The following CCDC85A variants were observed in gnomAD, a reference collection of about 807,000 sequenced individuals.
CCDC85A encodes the protein coiled-coil domain-containing protein 85A.
A neutral mutation model predicts 50.2 loss-of-function variants in CCDC85A; 38 were observed. The observed-to-expected ratio is 0.76, with a 90% CI of 0.58 to 0.99. CCDC85A has a LOEUF of 0.99. Ranked by LOEUF, CCDC85A falls within the 50% of genes least tolerant of loss-of-function variation. CCDC85A has a pLI of 0.00. For synonymous variants in CCDC85A, 366 were observed against 301.4 expected (o/e 1.21, Z -2.22); for missense variants, 820 against 742.0 (o/e 1.11, Z -1.22).
chr2:56,320,418 G>T (rs1329787868), intron 2 of CCDC85A, among the ~76,000 whole-genome samples: 1 of 151,922 alleles, frequency 6.6e-6, no homozygotes, highest in Non-Finnish European at 1.5e-5. Flanking sequence ...AGAAAAGAGA[G>T]AAGAATCAAA....
intron 2 of CCDC85A, among the ~76,000 whole-genome samples, chr2:56,194,793 G>A (rs747925926): frequency 2.6e-5 from 4 of 152,160 alleles, no homozygotes; most frequent in South Asian, 2.1e-4. Context: ...GTCTTGAGGC[G>A]TCCTGGCTGG....
chr2:56,216,363 T>C (rs1677393484), intron 2 of CCDC85A, among the ~76,000 whole-genome samples: 1 of 151,782 alleles, frequency 6.6e-6, no homozygotes, highest in South Asian at 2.1e-4. Flanking sequence ...TTGTTCTATG[T>C]CCTTACCAAC....
intron 3 of CCDC85A, among the ~76,000 whole-genome samples, chr2:56,368,622 T>C (rs1028820505): frequency 3.9e-5 from 6 of 152,140 alleles, no homozygotes; most frequent in African/African-American, 2.4e-5. Context: ...GAAACCACTT[T>C]AGCTGATCAA....
chr2:56,215,264 T>C (rs1677342841), intron 2 of CCDC85A, among the ~76,000 whole-genome samples: 1 of 151,970 alleles, frequency 6.6e-6, no homozygotes, highest in South Asian at 2.1e-4. Flanking sequence ...TCCAAAAGGT[T>C]TTCTTGTTGT....
chr2:56,305,753 C>G (rs1672415184), intron 2 of CCDC85A, among the ~76,000 whole-genome samples: 1 of 152,162 alleles, frequency 6.6e-6, no homozygotes, highest in South Asian at 2.1e-4. Flanking sequence ...GCTTAAAATT[C>G]AATATTGATA....
At chr2:56,309,695 A>T (rs776714756) in intron 2 of CCDC85A, among the ~76,000 whole-genome samples, 1 of 152,162 alleles carries the variant, frequency 6.6e-6, no homozygotes, top group African/African-American at 2.4e-5. Context: ...TGAACAAATT[A>T]AAGAAGCTAC....
rs562283186 is a variant in CCDC85A at position 56,357,462 on chromosome 2, G to A, written c.1317+14507G>A. Reference sequence around the variant, plus strand: ...TCTTTAAACCATTTGAAAATATTCAGTGTTTTTATCACTTTGATTTTAAGT... The same window carrying A: ...TCTTTAAACCATTTGAAAATATTCAATGTTTTTATCACTTTGATTTTAAGT... On this transcript the variant is annotated intron_variant, in intron 3 of 5. Coordinates refer to ENST00000407595, the MANE Select transcript of CCDC85A (RefSeq NM_001080433.2). Among the ~76,000 whole-genome samples the A allele has an allele frequency of 1.2e-3, 187 of 152,180 alleles. 2 individuals are homozygous for A. Among genetic ancestry groups the A allele is most frequent in the Middle Eastern group, 3.4e-3 (1 of 294 alleles).
intron 2 of CCDC85A, among the ~76,000 whole-genome samples, chr2:56,313,539 G>C (rs2104233936): frequency 6.6e-6 from 1 of 152,228 alleles, no homozygotes; most frequent in East Asian, 1.9e-4. Flanking sequence ...CTTGCTTTAA[G>C]CCATGTCATT....
chr2:56,326,648 T>G (rs1673486560), intron 2 of CCDC85A, among the ~76,000 whole-genome samples: 1 of 152,170 alleles, frequency 6.6e-6, no homozygotes, highest in Admixed American at 6.6e-5. Flanking sequence ...GATTTATTTC[T>G]TATTTCAATT....
chr2:56,215,291 G>C (rs1483081658), intron 2 of CCDC85A, among the ~76,000 whole-genome samples: 2 of 151,782 alleles, frequency 1.3e-5, no homozygotes, highest in African/African-American at 4.8e-5. Context: ...CTTGTTTTTT[G>C]TCATTTCTTT....
intron 2 of CCDC85A, among the ~76,000 whole-genome samples, chr2:56,248,350 G>C (rs1669601195): frequency 2.0e-5 from 3 of 152,110 alleles, no homozygotes; most frequent in African/African-American, 7.2e-5. Context: ...TCGTAACCAG[G>C]GGCCAAGTGG....
chr2:56,357,133 C>T (rs1272048393), intron 3 of CCDC85A, among the ~76,000 whole-genome samples: 1 of 151,424 alleles, frequency 6.6e-6, no homozygotes, highest in African/African-American at 2.4e-5. Flanking sequence ...GAAGGTGTCT[C>T]ATGCAGTCTT....
rs1673612333 is a variant in CCDC85A, at chr2:56,328,839, T to C, written c.1241-14040T>C. Among the ~76,000 whole-genome samples, 3 of 152,218 alleles carry C rather than the reference T, an allele frequency of 2.0e-5. No homozygotes were observed. In the South Asian group the frequency reaches 6.2e-4, roughly 32 times the overall value. On this transcript the variant is annotated intron_variant, in intron 2 of 5. Transcript: ENST00000407595. ...CTGGCTCATGCACAACCCACAGTCA[T>C]CTCTCAGTCCAGTCCCATAGCAGCT...
intron 2 of CCDC85A, among the ~76,000 whole-genome samples, chr2:56,329,147 T>C (rs1673631615): frequency 6.6e-6 from 1 of 152,212 alleles, no homozygotes; most frequent in Non-Finnish European, 1.5e-5. Context: ...TTTCAGCCAC[T>C]ACTCTTCTCT....
rs555212639 is a variant in CCDC85A at position 56,367,528 on chromosome 2, G to A, written c.1318-4816G>A. 5.3e-5 allele frequency among the ~76,000 whole-genome samples: 8 copies of A among 152,150 alleles called. No individual in the cohort carries two copies. In the South Asian group the frequency reaches 6.2e-4, roughly 12 times the overall value. ...AGGGTTTCTCAACTTCAGCTATAGCGACATTTTGGGCTAGATAATCCTTTC... is the reference window on the plus strand; with the variant it reads ...AGGGTTTCTCAACTTCAGCTATAGCAACATTTTGGGCTAGATAATCCTTTC... On this transcript the variant is annotated intron_variant, in intron 3 of 5. Transcript: ENST00000407595.
At chr2:56,237,199 A>T (rs1288671637) in intron 2 of CCDC85A, among the ~76,000 whole-genome samples, 1 of 152,150 alleles carries the variant, frequency 6.6e-6, no homozygotes, top group African/African-American at 2.4e-5. Flanking sequence ...ACTCACTCAG[A>T]TATAGCTCAT....
chr2:56,348,823 G>T (rs1405413029), intron 3 of CCDC85A, among the ~76,000 whole-genome samples: 1 of 152,186 alleles, frequency 6.6e-6, no homozygotes, highest in Non-Finnish European at 1.5e-5. Flanking sequence ...CTTGTTTGCT[G>T]TGGCGATAGA....
chr2:56,375,087 C>T (rs374427090), intron 4 of CCDC85A, among the ~76,000 whole-genome samples: 6 of 152,144 alleles, frequency 3.9e-5, no homozygotes, highest in South Asian at 4.1e-4. Flanking sequence ...TTTACTGATC[C>T]ATTAGTCTTC....
At chr2:56,291,685 C>A (rs914054877) in intron 2 of CCDC85A, among the ~76,000 whole-genome samples, 2 of 150,778 alleles carry the variant, frequency 1.3e-5, no homozygotes, top group African/African-American at 4.9e-5. Flanking sequence ...GGACACATAG[C>A]ATGAAAGGTT....
Sources: gnomAD v4.1 joint callset for allele counts (sites outside exome capture counted in the v4.1 genomes callset) on GRCh38, gnomAD v4.1.1 for gene constraint, MANE v1.5 for transcripts, NCBI Gene and HGNC (gene_info 2026-07-23, HGNC 2026-07-21) for gene names.